The following RNFT2 variants were observed in gnomAD, a reference collection of about 807,000 sequenced individuals.
RNFT2 encodes ring finger protein, transmembrane 2.
Under a neutral mutation model 53.0 loss-of-function variants are expected in RNFT2, and 36 were observed. The ratio of observed to expected loss-of-function variants is 0.68; its 90% confidence interval spans 0.52 to 0.90. RNFT2 has a LOEUF of 0.90. RNFT2 is among the 40% of genes least tolerant of loss of function. The probability of loss-of-function intolerance (pLI) is 0.00; values close to 1 mark genes in which losing one functional copy is unlikely to be tolerated. For synonymous variants in RNFT2, 260 were observed against 253.2 expected, an observed-to-expected ratio of 1.03 and a Z score of -0.26; for missense variants, 514 against 585.6, an observed-to-expected ratio of 0.88 and a Z score of 1.26.
At chr12:116,741,267 T>C (rs1391311505) in intron 3 of RNFT2, among the ~76,000 whole-genome samples, 173 bp downstream of exon 3, 1 of 152,216 alleles carries the variant, frequency 6.6e-6, no homozygotes, top group Non-Finnish European at 1.5e-5. Flanking sequence ...TTATGCTAAA[T>C]TTCAAAGTCC....
chr12:116,838,595 C>A (rs1200401344), intron 10 of RNFT2, among the ~76,000 whole-genome samples: 1 of 152,244 alleles, frequency 6.6e-6, no homozygotes, highest in Non-Finnish European at 1.5e-5. Context: ...TGACAGGTGA[C>A]AAACGGTATC....
intron 6 of RNFT2, among the ~76,000 whole-genome samples, chr12:116,774,063 T>A (rs1173753978): frequency 6.6e-6 from 1 of 152,226 alleles, no homozygotes; most frequent in Non-Finnish European, 1.5e-5. Flanking sequence ...ACATTAAGTG[T>A]ATGATTTCAC....
At chr12:116,816,365 C>T (rs1370795445) in intron 7 of RNFT2, among the ~76,000 whole-genome samples, 4 of 152,166 alleles carry the variant, frequency 2.6e-5, no homozygotes. Flanking sequence ...TTACTCACAG[C>T]CCAGCAACTC....
chr12:116,815,172 C>A (rs889521324), intron 7 of RNFT2, among the ~76,000 whole-genome samples: 2 of 152,188 alleles, frequency 1.3e-5, no homozygotes, highest in Non-Finnish European at 2.9e-5. Context: ...CACTCCCAGG[C>A]CTGGGTGTGC....
chr12:116,792,396 A>G (rs1384897112), intron 7 of RNFT2, among the ~76,000 whole-genome samples: 1 of 152,044 alleles, frequency 6.6e-6, no homozygotes, highest in Non-Finnish European at 1.5e-5. Flanking sequence ...CTCCTAAACC[A>G]TTCACATAAA....
At chr12:116,837,857 A>G (rs1365041242) in intron 10 of RNFT2, among the ~76,000 whole-genome samples, 7 of 152,194 alleles carry the variant, frequency 4.6e-5, no homozygotes, top group Non-Finnish European at 1.0e-4. Flanking sequence ...TGAGGGGTGT[A>G]CTGGGATTTT....
intron 7 of RNFT2, among the ~76,000 whole-genome samples, chr12:116,829,309 G>A (rs1236838347): frequency 6.6e-6 from 1 of 152,030 alleles, no homozygotes; most frequent in African/African-American, 2.4e-5. Context: ...CAAACATGAC[G>A]GCCACCCCCT....
At chr12:116,741,406 C>T (rs1469510918) in intron 3 of RNFT2, among the ~76,000 whole-genome samples, 1 of 152,108 alleles carries the variant, frequency 6.6e-6, no homozygotes, top group Non-Finnish European at 1.5e-5. Context: ...GTTTAAACAA[C>T]AAATGTTTAT....
At chr12:116,780,575 T>C (rs572912991) in intron 7 of RNFT2, among the ~76,000 whole-genome samples, 1 of 151,974 alleles carries the variant, frequency 6.6e-6, no homozygotes, top group African/African-American at 2.4e-5. Flanking sequence ...TGGTTTCTAG[T>C]TGAGCCAAAA....
At chr12:116,848,010 C>G (rs375840798) in intron 10 of RNFT2, among the ~76,000 whole-genome samples, 1 of 152,094 alleles carries the variant, frequency 6.6e-6, no homozygotes, top group African/African-American at 2.4e-5. Context: ...CCCCAGCCCC[C>G]GCAACAGGCC....
At chr12:116,778,529 C>T (rs529682248) in intron 6 of RNFT2, among the ~76,000 whole-genome samples, 3 of 152,320 alleles carry the variant, frequency 2.0e-5, no homozygotes, top group African/African-American at 7.2e-5. Context: ...TTGAACTTTC[C>T]AGCCTGTAGA....
chr12:116,803,458 C>CT (rs1316656166), intron 7 of RNFT2, among the ~76,000 whole-genome samples: 3 of 152,120 alleles, frequency 2.0e-5, no homozygotes, highest in Non-Finnish European at 4.4e-5. Flanking sequence ...TCCATGCTTG[C>CT]TTCAGATCTT....
Position 116,740,439 on chromosome 12 carries a change from C to G in RNFT2, c.-59C>G, listed in dbSNP as rs1871552603. The G allele has an allele frequency of 1.3e-6, 2 of 1,530,502 alleles. No individual in the cohort carries two copies. Among genetic ancestry groups the G allele is most frequent in the Non-Finnish European group, 8.9e-7 (1 of 1,126,190 alleles). The allele number at this position is 1,530,502 out of a possible 1,614,324, so 94.8% of individuals were successfully genotyped here. ...CCTCTCTGGGATCCATTGGTCACATCCCCCTGAGGATTCCCGAATGCCTAC... is the reference window on the plus strand; with the variant it reads ...CCTCTCTGGGATCCATTGGTCACATGCCCCTGAGGATTCCCGAATGCCTAC... On this transcript the variant is annotated 5_prime_UTR_variant, in exon 2 of 11. It adds an upstream start codon to the 5' untranslated region. Coordinates refer to ENST00000257575, the MANE Select transcript of RNFT2 (RefSeq NM_001382266.1).
intron 6 of RNFT2, among the ~76,000 whole-genome samples, chr12:116,772,409 C>T (rs1390213050): frequency 2.0e-5 from 3 of 152,176 alleles, no homozygotes; most frequent in African/African-American, 4.8e-5. Flanking sequence ...CTGGTTCAAG[C>T]GATTCTCCTG....
intron 7 of RNFT2, among the ~76,000 whole-genome samples, chr12:116,808,365 C>A (rs1875188108): frequency 6.6e-6 from 1 of 152,222 alleles, no homozygotes; most frequent in Non-Finnish European, 1.5e-5. Context: ...GCTGGAATTA[C>A]AGGTGCGAGC....
chr12:116,772,233 T>G (rs776888743), intron 6 of RNFT2, among the ~76,000 whole-genome samples: 52 of 151,648 alleles, frequency 3.4e-4, no homozygotes, highest in African/African-American at 1.1e-3. Context: ...CTGGGAATAC[T>G]GGCATGGGCC....
chr12:116,762,835 C>G (rs1445762350), intron 5 of RNFT2, among the ~76,000 whole-genome samples: 3 of 152,170 alleles, frequency 2.0e-5, no homozygotes, highest in African/African-American at 7.2e-5. Flanking sequence ...TGGTCTTGAA[C>G]ACTTGACCTC....
intron 6 of RNFT2, among the ~76,000 whole-genome samples, chr12:116,778,965 G>A (rs1420963993): frequency 6.6e-6 from 1 of 152,206 alleles, no homozygotes; most frequent in East Asian, 1.9e-4. Flanking sequence ...GAAACTCCAG[G>A]CCAATATGGC....
At chr12:116,816,445 C>T (rs1425385210) in intron 7 of RNFT2, among the ~76,000 whole-genome samples, 3 of 152,144 alleles carry the variant, frequency 2.0e-5, no homozygotes, top group African/African-American at 4.8e-5. Context: ...CAGAGGCGAT[C>T]GCGGCCTCCT....
Sources: allele counts gnomAD v4.1 joint callset (sites outside exome capture counted in the v4.1 genomes callset), GRCh38; gene constraint gnomAD v4.1.1; transcripts MANE v1.5; gene names NCBI Gene and HGNC (gene_info 2026-07-23, HGNC 2026-07-21).